SLC16A12: variants seen among roughly 807,000 people sequenced by gnomAD.
The protein encoded by SLC16A12 is monocarboxylate transporter 12.
Under a neutral mutation model 42.4 loss-of-function variants are expected in SLC16A12, and 17 were observed. The observed-to-expected ratio is 0.40, with a 90% CI of 0.27 to 0.60. SLC16A12 has a LOEUF of 0.60. Ranked by LOEUF, SLC16A12 falls within the 20% of genes least tolerant of loss-of-function variation. The probability of loss-of-function intolerance (pLI) is 0.42; values close to 1 mark genes in which losing one functional copy is unlikely to be tolerated. For synonymous variants in SLC16A12, 224 were observed against 229.4 expected (o/e 0.98, Z 0.21); for missense variants, 544 against 623.0 (o/e 0.87, Z 1.35).
At chr10:89,509,948 C>G (rs11185736) in intron 2 of SLC16A12, among the ~76,000 whole-genome samples, 3,974 of 152,204 alleles carry the variant, frequency 0.026, 168 homozygotes, top group African/African-American at 0.088. Flanking sequence ...ACACCGATAA[C>G]AGACAGAGAG....
At chr10:89,515,990 C>T (rs1272273345) in intron 2 of SLC16A12, among the ~76,000 whole-genome samples, 1 of 152,242 alleles carries the variant, frequency 6.6e-6, no homozygotes, top group East Asian at 1.9e-4. Context: ...CAAAAACAAA[C>T]TAACTCTACG....
At chr10:89,447,203 C>G (rs1454520630) in intron 3 of SLC16A12, among the ~76,000 whole-genome samples, 1 of 152,162 alleles carries the variant, frequency 6.6e-6, no homozygotes, top group East Asian at 1.9e-4. Flanking sequence ...ATCAACGAGA[C>G]AGAAGGTTAA....
At chr10:89,538,056 G>A (rs751181573), upstream of SLC16A12, among the ~76,000 whole-genome samples, 6 of 152,250 alleles carry the variant, frequency 3.9e-5, no homozygotes, top group Non-Finnish European at 5.9e-5. Flanking sequence ...GGGGTTCCAC[G>A]CTCAAGACCT....
chr10:89,531,537 G>A (rs1050711654), intron 2 of SLC16A12, among the ~76,000 whole-genome samples: 6 of 152,204 alleles, frequency 3.9e-5, no homozygotes, highest in African/African-American at 9.6e-5. Context: ...TCCCACAGCG[G>A]TCTCTGTGTC....
chr10:89,435,549 T>G (rs889825995), intron 7 of SLC16A12, among the ~76,000 whole-genome samples: 1 of 152,238 alleles, frequency 6.6e-6, no homozygotes, highest in African/African-American at 2.4e-5. Flanking sequence ...GATCACATTT[T>G]CTAACATATA....
chr10:89,536,717 T>G (rs1202813322), upstream of SLC16A12, among the ~76,000 whole-genome samples: 1 of 152,134 alleles, frequency 6.6e-6, no homozygotes, highest in Non-Finnish European at 1.5e-5. Context: ...ATCACCTGGG[T>G]GCTTGTTAAA....
intron 2 of SLC16A12, among the ~76,000 whole-genome samples, chr10:89,544,943 C>T (rs1667275208): frequency 6.6e-6 from 1 of 152,208 alleles, no homozygotes; most frequent in African/African-American, 2.4e-5. Context: ...TTAAGTCAGG[C>T]ATCATCTTAT....
chr10:89,554,048 GAAAGA>G, intron 2 of SLC16A12, among the ~76,000 whole-genome samples: 1 of 56,770 alleles, frequency 1.8e-5, no homozygotes, highest in East Asian at 5.4e-4. Flanking sequence ...AAGAAAGAAA[GAAAGA>G]AAGAAAGAAA....
At chr10:89,543,521 AT>A (rs1353550260) in intron 2 of SLC16A12, among the ~76,000 whole-genome samples, 3 of 152,166 alleles carry the variant, frequency 2.0e-5, no homozygotes, top group Non-Finnish European at 4.4e-5. Context: ...GCTAATTGAG[AT>A]TTGTACTTAT....
intron 2 of SLC16A12, among the ~76,000 whole-genome samples, chr10:89,514,761 C>T (rs1843220024): frequency 6.6e-6 from 1 of 152,188 alleles, no homozygotes; most frequent in Admixed American, 6.5e-5. Context: ...CATCAATCCA[C>T]AATAGTGCCC....
chr10:89,433,244 A>G lies in SLC16A12; in HGVS notation c.1371T>C (p.Leu457=). 1.2e-6 allele frequency: 2 copies of G among 1,614,246 alleles called. No individual in the cohort carries two copies. The highest frequency in any genetic ancestry group is 8.5e-7 in the Non-Finnish European group (1 of 1,180,034). ...TTCTCTTTATAAGTCTAGCAAAGCCAAGCAACACAGAACTAAATATCATTG... is the reference window on the plus strand; with the variant it reads ...TTCTCTTTATAAGTCTAGCAAAGCCGAGCAACACAGAACTAAATATCATTG... ...GFSMIFSSVL[L]GFARLIKRMR... is the part of the protein sequence containing the mutation. Residue 457 remains leucine (L), a synonymous_variant, in exon 8 of 8, where the codon CTT becomes CTC. Transcript: ENST00000371790.
At chr10:89,527,313 T>C (rs1004542552) in intron 2 of SLC16A12, among the ~76,000 whole-genome samples, 1 of 151,486 alleles carries the variant, frequency 6.6e-6, no homozygotes, top group African/African-American at 2.4e-5. Flanking sequence ...TGAAACCCCG[T>C]CTCTACTAAA....
chr10:89,543,680 A>G (rs1365320778), intron 2 of SLC16A12, among the ~76,000 whole-genome samples: 1 of 152,100 alleles, frequency 6.6e-6, no homozygotes. Context: ...AAAAAAAGTT[A>G]AAAACTTAGC....
At position 89,486,608 on chromosome 10, in the gene SLC16A12, AAAGAAAGAAAG is replaced by A. The variant is rs1564585797; in HGVS notation, c.-46-23995_-46-23985del. Among the ~76,000 whole-genome samples, 133 of 40,268 alleles carry A rather than the reference AAAGAAAGAAAG, an allele frequency of 3.3e-3. 3 individuals are homozygous for A. Among genetic ancestry groups the A allele is most frequent in the African/African-American group, 0.014 (129 of 8,990 alleles). 26.4% of individuals were successfully genotyped at this position (40,268 alleles called of 152,430 possible). A position where few individuals can be genotyped will look rare whatever the true frequency, so the allele number is the denominator to read the frequency against. ...CCTTGTCTCAAAAAAAAAAAAAAAG[AAAGAAAGAAAG>A]AAAGAAAGAAAGAAAGAAAGAAAGA... is the stretch of plus-strand genomic sequence containing the variant. On this transcript the variant is annotated intron_variant, in intron 2 of 7. Coordinates refer to ENST00000371790, the MANE Select transcript of SLC16A12 (RefSeq NM_213606.4).
At chr10:89,540,612 A>G (rs1356747959) in intron 2 of SLC16A12, among the ~76,000 whole-genome samples, 4 of 152,132 alleles carry the variant, frequency 2.6e-5, no homozygotes. Context: ...GTTGCCAGAT[A>G]GCCAGTGAAT....
chr10:89,466,842 A>G (rs1364732532), intron 2 of SLC16A12, among the ~76,000 whole-genome samples: 1 of 152,186 alleles, frequency 6.6e-6, no homozygotes, highest in Non-Finnish European at 1.5e-5. Context: ...TGGGGCAGTA[A>G]GATTTTCAAC....
At chr10:89,454,961 A>G (rs146294788) in intron 3 of SLC16A12, among the ~76,000 whole-genome samples, 1 of 152,300 alleles carries the variant, frequency 6.6e-6, no homozygotes, top group African/African-American at 2.4e-5. Flanking sequence ...GAAGCAAGCC[A>G]GGAAGGAAGG....
chr10:89,503,584 T>C (rs1179079750), intron 2 of SLC16A12, among the ~76,000 whole-genome samples: 1 of 152,192 alleles, frequency 6.6e-6, no homozygotes, highest in Non-Finnish European at 1.5e-5. Flanking sequence ...TTTCTAGATG[T>C]GCCCAAATAA....
chr10:89,530,672 G>A (rs1057075383), intron 2 of SLC16A12, among the ~76,000 whole-genome samples: 19 of 152,162 alleles, frequency 1.2e-4, no homozygotes, highest in African/African-American at 4.3e-4. Flanking sequence ...GCCCGCCCCG[G>A]CCTCCCAAAG....
Sources: allele counts gnomAD v4.1 joint callset (sites outside exome capture counted in the v4.1 genomes callset), GRCh38; gene constraint gnomAD v4.1.1; transcripts MANE v1.5; gene names NCBI Gene and HGNC (gene_info 2026-07-23, HGNC 2026-07-21).